HTR3B: variants seen among roughly 807,000 people sequenced by gnomAD.
The protein encoded by HTR3B is 5-hydroxytryptamine (serotonin) receptor 3B, ionotropic.
A neutral mutation model predicts 42.8 loss-of-function variants in HTR3B; 44 were observed. The observed-to-expected ratio is 1.03, with a 90% CI of 0.81 to 1.32. HTR3B has a LOEUF of 1.32. Ranked by LOEUF, HTR3B falls within the 40% of genes most tolerant of loss-of-function variation. The probability of loss-of-function intolerance (pLI) is 0.00; values close to 1 mark genes in which losing one functional copy is unlikely to be tolerated. For synonymous variants in HTR3B, 203 were observed against 209.0 expected (o/e 0.97, Z 0.25); for missense variants, 527 against 536.5 (o/e 0.98, Z 0.17).
chr11:113,945,214 A>G lies in HTR3B; in HGVS notation c.1090+459A>G, dbSNP rs60975303. 7.6e-3 allele frequency among the ~76,000 whole-genome samples: 1,165 copies of G among 152,300 alleles called. 13 individuals carry two copies. The highest frequency in any genetic ancestry group is 0.026 in the African/African-American group (1,083 of 41,566). The stretch of plus-strand genomic sequence containing the variant: ...CAGTGGCACAATCTCTGCTCACTGC[A>G]GCCTCTGCCTCCCAGGCTCAAGCTA... On this transcript the variant is annotated intron_variant, in intron 8 of 8. Transcript: ENST00000260191.
In HTR3B at chr11:113,912,490, G is replaced by A. The variant is rs372027809; in HGVS notation, c.213+3035G>A. On this transcript the variant is annotated intron_variant, in intron 2 of 8. Coordinates refer to ENST00000260191, the MANE Select transcript of HTR3B (RefSeq NM_006028.5). ...GATCTCCTGACCTCGTGATCCACCC[G>A]CCTCGGCCTCCCAAAGTGCTGGGAT... Among the ~76,000 whole-genome samples the A allele has an allele frequency of 7.1e-4, 108 of 152,226 alleles. No individual in the cohort carries two copies. In the South Asian group the frequency reaches 0.022, roughly 31 times the overall value.
chr11:113,916,239 A>ATGTGCTTATTTGCCAATTGCCAACTG (rs1949852415), intron 2 of HTR3B, among the ~76,000 whole-genome samples: 1 of 152,156 alleles, frequency 6.6e-6, no homozygotes, highest in Non-Finnish European at 1.5e-5. Flanking sequence ...ACATTTTTTC[A>ATGTGCTTATTTGCCAATTGCCAACTG]TGTGCTTATT....
rs1486335209 is a variant in HTR3B, at chr11:113,932,981, A to G, written c.584A>G (p.Gln195Arg). The change falls in exon 6 of 9, where the codon CAG becomes CGG. Residue 195 changes from glutamine to arginine, a missense_variant. Transcript: ENST00000260191. Reference sequence around the variant, plus strand: ...TTTCTGAGGAGCCCAGAAGACATTCAGCATGACAAAAAGGCGTTTTTGAAT... The same window carrying G: ...TTTCTGAGGAGCCCAGAAGACATTCGGCATGACAAAAAGGCGTTTTTGAAT... The part of the protein sequence containing the change: ...LAFLRSPEDI[Q>R]HDKKAFLNDS... 2 of 1,614,164 alleles carry G rather than the reference A, an allele frequency of 1.2e-6. No individual in the cohort carries two copies. The highest frequency in any genetic ancestry group is 4.5e-5 in the East Asian group (2 of 44,888).
chr11:113,944,534 A>C (rs1389699631), intron 7 of HTR3B, 39 bp from the exon 8 acceptor site: 2 of 1,597,040 alleles, frequency 1.3e-6, no homozygotes, highest in Non-Finnish European at 1.7e-6. Flanking sequence ...GCTGCATTTC[A>C]GACTGGAGGC....
chr11:113,932,830 A>G (rs1950050532), intron 5 of HTR3B, 106 bp from the exon 6 acceptor site: 2 of 1,125,760 alleles, frequency 1.8e-6, no homozygotes, highest in Non-Finnish European at 2.6e-6. Flanking sequence ...GACTGTGCCT[A>G]TGGGGGCAGG....
In HTR3B at chr11:113,904,928, C is replaced by T; in HGVS notation, c.-6C>T. 1 of 1,612,946 alleles carries T rather than the reference C, an allele frequency of 6.2e-7. No homozygotes were observed. Among genetic ancestry groups the T allele is most frequent in the Non-Finnish European group, 8.5e-7 (1 of 1,179,088 alleles). On this transcript the variant is annotated 5_prime_UTR_variant, in exon 1 of 9. Transcript: ENST00000260191. ...TGCATTTCTCCTTTTTGGGATCTGC[C>T]CAGGAATGTTGTCAAGTGTAATGGC...
At chr11:113,930,808 C>T (rs1435178605) in intron 2 of HTR3B, among the ~76,000 whole-genome samples, 1 of 152,038 alleles carries the variant, frequency 6.6e-6, no homozygotes, top group African/African-American at 2.4e-5. Context: ...TTTTAAATTG[C>T]TGTTTTGGGG....
chr11:113,924,379 G>A (rs1304114677), intron 2 of HTR3B, among the ~76,000 whole-genome samples: 1 of 152,020 alleles, frequency 6.6e-6, no homozygotes, highest in Non-Finnish European at 1.5e-5. Flanking sequence ...ACTTTGGGAG[G>A]CCAAGGTGGG....
chr11:113,921,639 C>T (rs1949915883), intron 2 of HTR3B, among the ~76,000 whole-genome samples: 1 of 151,668 alleles, frequency 6.6e-6, no homozygotes, highest in African/African-American at 2.4e-5. Context: ...AAAAATTGCT[C>T]AGGCTTTCCT....
At chr11:113,911,774 C>T (rs947355863) in intron 2 of HTR3B, among the ~76,000 whole-genome samples, 18 of 151,970 alleles carry the variant, frequency 1.2e-4, no homozygotes, top group Admixed American at 3.9e-4. Flanking sequence ...GTGATTTGGC[C>T]GCCTCAGCCT....
At chr11:113,917,364 C>T (rs984403554) in intron 2 of HTR3B, among the ~76,000 whole-genome samples, 28 of 152,018 alleles carry the variant, frequency 1.8e-4, no homozygotes, top group African/African-American at 6.8e-4. Flanking sequence ...AACTCCTGAC[C>T]TCAGGTGATC....
intron 6 of HTR3B, among the ~76,000 whole-genome samples, chr11:113,939,436 C>A (rs551903922): frequency 6.6e-6 from 1 of 152,296 alleles, no homozygotes; most frequent in East Asian, 1.9e-4. Context: ...AAGTGCAGGG[C>A]CCTTTCAAGA....
chr11:113,900,603 C>G (rs1269800704), upstream of HTR3B, among the ~76,000 whole-genome samples: 4 of 152,244 alleles, frequency 2.6e-5, no homozygotes, highest in East Asian at 7.7e-4. Flanking sequence ...AAGCGATTCT[C>G]CTTCCTCAGC....
intron 2 of HTR3B, among the ~76,000 whole-genome samples, chr11:113,929,853 C>T (rs1017411951): frequency 6.6e-6 from 1 of 152,156 alleles, no homozygotes; most frequent in Non-Finnish European, 1.5e-5. Flanking sequence ...CTGCCTCAGC[C>T]GCCCGAGTAG....
chr11:113,917,868 G>A (rs551184246), intron 2 of HTR3B, among the ~76,000 whole-genome samples: 4 of 152,166 alleles, frequency 2.6e-5, no homozygotes, highest in Admixed American at 2.0e-4. Flanking sequence ...GCCACCCAAA[G>A]TGCTGGTATT....
At chr11:113,905,798 A>G (rs1050013116) in intron 1 of HTR3B, among the ~76,000 whole-genome samples, 6 of 152,196 alleles carry the variant, frequency 3.9e-5, no homozygotes, top group Admixed American at 2.6e-4. Flanking sequence ...TGGAAGTGGA[A>G]TGAGTCAATT....
chr11:113,925,411 G>A (rs1057483064), intron 2 of HTR3B, among the ~76,000 whole-genome samples: 3 of 141,990 alleles, frequency 2.1e-5, no homozygotes, highest in Admixed American at 7.3e-5. Flanking sequence ...AATGTTTTAC[G>A]AATTTGTTTT....
At chr11:113,931,288 A>G (rs1415898265) in intron 2 of HTR3B, 96 bp from the exon 3 acceptor site, 1 of 870,940 alleles carries the variant, frequency 1.1e-6, no homozygotes, top group Non-Finnish European at 1.9e-6. Context: ...ATTTGGTTAG[A>G]TTTGATTTTC....
upstream of HTR3B, among the ~76,000 whole-genome samples, chr11:113,901,546 A>G (rs1949698052): frequency 6.6e-6 from 1 of 152,218 alleles, no homozygotes; most frequent in South Asian, 2.1e-4. Context: ...GTACAGAGCA[A>G]GGCTGTCAAG....
Sources: gnomAD v4.1 joint callset for allele counts (sites outside exome capture counted in the v4.1 genomes callset) on GRCh38, gnomAD v4.1.1 for gene constraint, MANE v1.5 for transcripts, NCBI Gene and HGNC (gene_info 2026-07-23, HGNC 2026-07-21) for gene names.